The following TCF4 variants were observed in gnomAD, a reference collection of about 807,000 sequenced individuals.
The protein encoded by TCF4 is transcription factor 4.
A neutral mutation model predicts 82.1 loss-of-function variants in TCF4; 3 were observed. That is an observed-to-expected ratio of 0.04 (90% CI 0.02 to 0.09). The LOEUF is 0.09. Among genes scored for constraint, TCF4 ranks in the 10% least tolerant of loss-of-function variants. The pLI, the probability that TCF4 is intolerant of heterozygous loss-of-function variation, is 1.00. For synonymous variants in TCF4, 276 were observed against 309.6 expected (o/e 0.89, Z 1.14); for missense variants, 518 against 852.7 (o/e 0.61, Z 4.89).
At chr18:55,491,282 C>T (rs1003430294) in intron 3 of TCF4, among the ~76,000 whole-genome samples, 5 of 151,996 alleles carry the variant, frequency 3.3e-5, no homozygotes, top group Non-Finnish European at 7.4e-5. Flanking sequence ...GGCGGGACGG[C>T]GGTGGTTCCA....
intron 2 of TCF4, among the ~76,000 whole-genome samples, chr18:55,624,665 T>C (rs965856305): frequency 6.6e-6 from 1 of 151,844 alleles, no homozygotes; most frequent in Admixed American, 6.6e-5. Flanking sequence ...CTTCTTTGAC[T>C]CCACTTGTCA....
At chr18:55,301,392 A>G (rs140186413) in intron 8 of TCF4, among the ~76,000 whole-genome samples, 1 of 152,304 alleles carries the variant, frequency 6.6e-6, no homozygotes, top group Non-Finnish European at 1.5e-5. Context: ...AGAAATTTGC[A>G]GAGATTTGTT....
chr18:55,501,386 T>TAA (rs1170337780), intron 3 of TCF4, among the ~76,000 whole-genome samples: 28 of 152,216 alleles, frequency 1.8e-4, no homozygotes, highest in Non-Finnish European at 2.6e-4. Flanking sequence ...TTAACGGCTT[T>TAA]GTTTACAAAT....
intron 8 of TCF4, among the ~76,000 whole-genome samples, chr18:55,294,834 G>A (rs1451208837): frequency 6.6e-6 from 1 of 152,154 alleles, no homozygotes; most frequent in East Asian, 1.9e-4. Context: ...TGCCCAGGCT[G>A]GTCTCAAACT....
chr18:55,631,511 G>C (rs1329951190), intron 1 of TCF4: 12 of 943,152 alleles, frequency 1.3e-5, no homozygotes, highest in Admixed American at 2.6e-5. Context: ...GCCCTACAGG[G>C]ATGAAGACAA....
intron 3 of TCF4, among the ~76,000 whole-genome samples, chr18:55,477,170 A>G (rs1342704522): frequency 2.0e-5 from 3 of 152,182 alleles, no homozygotes; most frequent in African/African-American, 7.2e-5. Context: ...TATTTTTTAT[A>G]TACTCATCTC....
At chr18:55,604,551 AC>A (rs1324994906) in intron 2 of TCF4, among the ~76,000 whole-genome samples, 2 of 152,180 alleles carry the variant, frequency 1.3e-5, no homozygotes, top group African/African-American at 4.8e-5. Flanking sequence ...CGCATTGCCC[AC>A]CCAGTTGCAA....
intron 15 of TCF4, among the ~76,000 whole-genome samples, chr18:55,241,608 C>A (rs1214992225): frequency 6.6e-6 from 1 of 152,212 alleles, no homozygotes. Context: ...GACCTCCACA[C>A]AGTTTTTAGC....
intron 3 of TCF4, among the ~76,000 whole-genome samples, chr18:55,511,624 T>C (rs533199673): frequency 6.6e-5 from 10 of 152,260 alleles, no homozygotes; most frequent in Admixed American, 2.0e-4. Flanking sequence ...CAAATTTTTA[T>C]CTAAATAAAT....
At chr18:55,287,323 G>A (rs761263945) in intron 8 of TCF4, among the ~76,000 whole-genome samples, 1 of 152,030 alleles carries the variant, frequency 6.6e-6, no homozygotes, top group Non-Finnish European at 1.5e-5. Flanking sequence ...CACAAAAATC[G>A]CATAATTTTC....
intron 11 of TCF4, chr18:55,268,428 G>A (rs1342797266): frequency 1.3e-5 from 2 of 152,046 alleles, no homozygotes; most frequent in East Asian, 3.9e-4. Context: ...AAACTGCATT[G>A]ATAGCTAACA....
At chr18:55,305,504 T>C (rs2147079514) in intron 8 of TCF4, among the ~76,000 whole-genome samples, 1 of 152,292 alleles carries the variant, frequency 6.6e-6, no homozygotes, top group Admixed American at 6.5e-5. Flanking sequence ...AGTACAAAAG[T>C]ACCAGTTTCA....
chr18:55,552,120 C>A (rs185049249), intron 3 of TCF4, among the ~76,000 whole-genome samples: 19 of 152,242 alleles, frequency 1.2e-4, no homozygotes, highest in Admixed American at 2.6e-4. Flanking sequence ...TTCAAATATC[C>A]CATTCCATCT....
chr18:55,394,350 C>T (rs777703732), intron 6 of TCF4, among the ~76,000 whole-genome samples: 6 of 152,030 alleles, frequency 3.9e-5, no homozygotes, highest in Admixed American at 6.6e-5. Flanking sequence ...TTCCGAAGCA[C>T]GGAATTGTTA....
chr18:55,422,548 GA>G (rs2094812369), intron 5 of TCF4: 3 of 827,880 alleles, frequency 3.6e-6, no homozygotes, highest in South Asian at 1.1e-4. Flanking sequence ...TGTTTCCTAT[GA>G]TGGAAATTTA....
chr18:55,378,922 T>G (rs1001585801), intron 6 of TCF4, among the ~76,000 whole-genome samples: 4 of 152,226 alleles, frequency 2.6e-5, no homozygotes, highest in Non-Finnish European at 1.5e-5. Context: ...GAGGCTAGTT[T>G]GAGAACCACA....
chr18:55,412,360 T>C (rs1220786705), intron 5 of TCF4, among the ~76,000 whole-genome samples: 2 of 151,990 alleles, frequency 1.3e-5, no homozygotes, highest in Non-Finnish European at 1.5e-5. Flanking sequence ...TTTTTTTTTT[T>C]TTTAAGAAAT....
At chr18:55,250,510 G>A (rs1401210390) in intron 15 of TCF4, among the ~76,000 whole-genome samples, 6 of 152,188 alleles carry the variant, frequency 3.9e-5, no homozygotes, top group Non-Finnish European at 7.3e-5. Context: ...CATTGAATTT[G>A]GAGTTGATGT....
chr18:55,408,279 C>A (rs1359111075), intron 5 of TCF4, among the ~76,000 whole-genome samples: 1 of 152,120 alleles, frequency 6.6e-6, no homozygotes, highest in Non-Finnish European at 1.5e-5. Context: ...AGGACAACAC[C>A]AAGCAAGGCT....
Sources: gnomAD v4.1 joint callset for allele counts (sites outside exome capture counted in the v4.1 genomes callset) on GRCh38, gnomAD v4.1.1 for gene constraint, MANE v1.5 for transcripts, NCBI Gene and HGNC (gene_info 2026-07-23, HGNC 2026-07-21) for gene names.